ARHGAP32: variants seen among roughly 807,000 people sequenced by gnomAD.
ARHGAP32 encodes the protein Rho GTPase activating protein 32.
Under a neutral mutation model 186.5 loss-of-function variants are expected in ARHGAP32, and 51 were observed. That is an observed-to-expected ratio of 0.27 (90% confidence interval 0.22 to 0.35). The LOEUF (loss-of-function observed/expected upper bound fraction) is 0.35. ARHGAP32 is among the 10% of genes least tolerant of loss of function. The probability of loss-of-function intolerance (pLI) is 1.00; values close to 1 mark genes in which losing one functional copy is unlikely to be tolerated. For missense variants in ARHGAP32, 2,186 were observed against 2,623.5 expected (o/e 0.83, Z 3.64); for synonymous variants, 950 against 964.3 (o/e 0.99, Z 0.27).
At chr11:129,264,881 C>T (rs1415395505) in intron 1 of ARHGAP32, among the ~76,000 whole-genome samples, 1 of 152,194 alleles carries the variant, frequency 6.6e-6, no homozygotes, top group Non-Finnish European at 1.5e-5. Flanking sequence ...ACCATTCCTT[C>T]AAATCTGTGC....
intron 1 of ARHGAP32, among the ~76,000 whole-genome samples, chr11:129,257,539 T>C (rs943274726): frequency 2.0e-5 from 3 of 152,070 alleles, no homozygotes; most frequent in Admixed American, 6.6e-5. Flanking sequence ...CTCAAAAGGC[T>C]AAAGCAGAAG....
At chr11:129,161,601 C>A (rs140915611) in intron 2 of ARHGAP32, among the ~76,000 whole-genome samples, 43,570 of 152,000 alleles carry the variant, frequency 0.29, 6,574 homozygotes, top group Middle Eastern at 0.41. Context: ...CAATGAGATA[C>A]CACCTCACAC....
At chr11:129,215,366 A>C (rs1365392668) in intron 1 of ARHGAP32, among the ~76,000 whole-genome samples, 1 of 152,172 alleles carries the variant, frequency 6.6e-6, no homozygotes, top group Non-Finnish European at 1.5e-5. Context: ...TATATGTATT[A>C]ATTTCTGCTT....
chr11:129,062,218 A>G, intron 10 of ARHGAP32, 62 bp downstream of exon 10: 1 of 1,416,196 alleles, frequency 7.1e-7, no homozygotes, highest in Non-Finnish European at 1.0e-6. Flanking sequence ...AAACAAAAGT[A>G]TTACTGAATC....
intron 2 of ARHGAP32, among the ~76,000 whole-genome samples, chr11:129,150,465 TA>T (rs1943265247): frequency 6.6e-6 from 1 of 152,110 alleles, no homozygotes; most frequent in African/African-American, 2.4e-5. Context: ...AGCTGTGAGA[TA>T]AAAGCATCAA....
Position 128,970,756 on chromosome 11 carries a change from A to G in ARHGAP32, c.4457T>C (p.Val1486Ala). Reference sequence around the variant, plus strand: ...ATCGGGCCTAGCAAAGGAGGAGTAAACTGTTTTCTGAGAAGCATGCTTAGG... The same window carrying G: ...ATCGGGCCTAGCAAAGGAGGAGTAAGCTGTTTTCTGAGAAGCATGCTTAGG... ...PQPKHASQKTVYSSFARPDVT... is the reference protein window; with the variant it reads ...PQPKHASQKTAYSSFARPDVT... Residue 1486 changes from valine to alanine, a missense_variant, in exon 23 of 23, where the codon GTT (valine) becomes GCT (alanine). This residue lies in a region of ARHGAP32 where 1,502 missense variants were observed against 1,570.0 expected (regional missense o/e 0.96). Transcript: ENST00000682385. This position sits in a 1 kb window ranked among gnomAD's most constrained non-coding sequence, Gnocchi z 5.8. 6.2e-7 allele frequency: 1 copy of G among 1,614,170 alleles called. No individual in the cohort carries two copies.
At chr11:129,070,438 C>A (rs2135173571) in intron 6 of ARHGAP32, among the ~76,000 whole-genome samples, 1 of 152,138 alleles carries the variant, frequency 6.6e-6, no homozygotes, top group South Asian at 2.1e-4. Flanking sequence ...CCCAGCCAGA[C>A]ACTAGAACAA....
rs576630307 is a variant in ARHGAP32 at position 129,145,211 on chromosome 11, G to C, written c.225+19108C>G. 5.3e-5 allele frequency among the ~76,000 whole-genome samples: 8 copies of C among 152,130 alleles called. 1 individual carries two copies. Among genetic ancestry groups the C allele is most frequent in the African/African-American group, 1.9e-4 (8 of 41,508 alleles). On this transcript the variant is annotated intron_variant, in intron 2 of 22. Transcript: ENST00000682385. ...CTTTACAGGTACTTTATTATGGTAAGTTATTGTCAGTCTTCAGCGCTGCTA... is the reference window on the plus strand; with the variant it reads ...CTTTACAGGTACTTTATTATGGTAACTTATTGTCAGTCTTCAGCGCTGCTA...
upstream of ARHGAP32, among the ~76,000 whole-genome samples, chr11:129,279,618 C>G (rs971785350): frequency 2.1e-5 from 3 of 146,210 alleles, no homozygotes; most frequent in Non-Finnish European, 4.6e-5. Flanking sequence ...GCGACGCCCG[C>G]AGCGGGGAGA....
At chr11:129,005,913 T>C (rs900879548) in intron 11 of ARHGAP32, among the ~76,000 whole-genome samples, 16 of 152,172 alleles carry the variant, frequency 1.1e-4, no homozygotes, top group Admixed American at 6.5e-4. Flanking sequence ...CTAGATCTTA[T>C]AGGCATGCTT....
intron 2 of ARHGAP32, among the ~76,000 whole-genome samples, chr11:129,136,952 A>C (rs970251196): frequency 6.6e-6 from 1 of 152,046 alleles, no homozygotes; most frequent in East Asian, 1.9e-4. Context: ...ATATGCATCC[A>C]TAAGTATAAG....
intron 10 of ARHGAP32, among the ~76,000 whole-genome samples, chr11:129,043,380 TC>T (rs1416519476): frequency 2.9e-4 from 38 of 132,152 alleles, no homozygotes; most frequent in South Asian, 7.2e-4. Context: ...TTTCTTTTTT[TC>T]TTTTTTTTTT....
chr11:129,060,491 C>A (rs1283681505), intron 10 of ARHGAP32, among the ~76,000 whole-genome samples: 1 of 152,078 alleles, frequency 6.6e-6, no homozygotes, highest in Non-Finnish European at 1.5e-5. Flanking sequence ...CTTTGAGACC[C>A]TTAAGTCTAT....
intron 1 of ARHGAP32, among the ~76,000 whole-genome samples, chr11:129,231,517 T>C (rs557065465): frequency 1.3e-5 from 2 of 152,278 alleles, no homozygotes; most frequent in South Asian, 4.2e-4. Flanking sequence ...GTAGCTTGTA[T>C]TTCTCCAACA....
At chr11:129,110,483 A>G (rs1179008075) in intron 5 of ARHGAP32, among the ~76,000 whole-genome samples, 2 of 152,172 alleles carry the variant, frequency 1.3e-5, no homozygotes, top group Non-Finnish European at 2.9e-5. Flanking sequence ...GAAAAATGGC[A>G]TTGGTATTTT....
intron 10 of ARHGAP32, among the ~76,000 whole-genome samples, chr11:129,044,031 A>G (rs1456749719): frequency 5.1e-5 from 1 of 19,748 alleles, no homozygotes; most frequent in Non-Finnish European, 1.7e-4. Flanking sequence ...ATCATGTTTT[A>G]TATTAAAGTG....
At chr11:129,190,049 G>A (rs1206319736) in intron 1 of ARHGAP32, among the ~76,000 whole-genome samples, 1 of 152,184 alleles carries the variant, frequency 6.6e-6, no homozygotes, top group Non-Finnish European at 1.5e-5. Flanking sequence ...TAACCAATAC[G>A]ACAGCTTGAT....
chr11:129,185,660 T>G (rs543901683), intron 1 of ARHGAP32, among the ~76,000 whole-genome samples: 18 of 152,222 alleles, frequency 1.2e-4, no homozygotes, highest in Middle Eastern at 3.4e-3. Context: ...AACATTAAAC[T>G]GACGGAGGCA....
intron 6 of ARHGAP32, among the ~76,000 whole-genome samples, chr11:129,078,788 C>T (rs555428563): frequency 3.2e-4 from 48 of 152,170 alleles, no homozygotes; most frequent in Non-Finnish European, 4.4e-4. Flanking sequence ...CCACCGTACC[C>T]GGCCAGAAGG....
Sources: gnomAD v4.1 joint callset for allele counts (sites outside exome capture counted in the v4.1 genomes callset) on GRCh38, gnomAD v4.1.1 for gene constraint, gnomAD v4.1.1 regional missense constraint, Gnocchi (gnomAD v3.1) non-coding constraint, MANE v1.5 for transcripts, NCBI Gene and HGNC (gene_info 2026-07-23, HGNC 2026-07-21) for gene names.